The following LYRM7 variants were observed in gnomAD, a reference collection of about 807,000 sequenced individuals.
The protein encoded by LYRM7 is complex III assembly factor LYRM7.
LYRM7 carries 9 observed loss-of-function variants against 15.8 expected under a neutral mutation model. The ratio of observed to expected loss-of-function variants is 0.57; its 90% CI spans 0.34 to 0.99. LYRM7 has a LOEUF of 0.99. Among genes scored for constraint, LYRM7 ranks in the 50% least tolerant of loss-of-function variants. LYRM7 has a pLI of 0.02. For missense variants in LYRM7, 115 were observed against 119.1 expected, an observed-to-expected ratio of 0.97 and a Z score of 0.16; for synonymous variants, 39 against 39.4, an observed-to-expected ratio of 0.99 and a Z score of 0.04.
intron 3 of LYRM7, among the ~76,000 whole-genome samples, chr5:131,183,222 G>A (rs1175896244): frequency 1.3e-5 from 2 of 152,092 alleles, no homozygotes; most frequent in Admixed American, 1.3e-4. Context: ...GACAAAATGA[G>A]ATAGCCTAAG....
In LYRM7 at chr5:131,180,145, A is replaced by G. The variant is rs188540818; in HGVS notation, c.69A>G (p.Lys23=). The part of the protein sequence containing the change: ...TLHRTRQQVF[K]NDARALEAAR... ...ACAGGACCAGACAACAAGTTTTTAA[A>G]AATGATGCCAGAGCATTAGAAGGTA... The change falls in exon 2 of 5, where the codon AAA becomes AAG. Residue 23 remains lysine (K), a synonymous_variant. Coordinates refer to ENST00000379380, the MANE Select transcript of LYRM7 (RefSeq NM_181705.4). 2 of 1,612,074 alleles carry G rather than the reference A, an allele frequency of 1.2e-6. No homozygotes were observed.
intron 1 of LYRM7, among the ~76,000 whole-genome samples, chr5:131,178,534 C>T (rs1489677488): frequency 6.6e-6 from 1 of 152,074 alleles, no homozygotes; most frequent in Admixed American, 6.6e-5. Flanking sequence ...TGTGAAGTGA[C>T]CTCAGCATAT....
Position 131,171,178 on chromosome 5 carries a change from G to A in LYRM7, c.18+140G>A. 3.5e-6 allele frequency: 3 copies of A among 859,138 alleles called. 1 individual carries two copies. The highest frequency in any genetic ancestry group is 5.0e-6 in the Non-Finnish European group (3 of 597,476). The allele number at this position is 859,138 out of a possible 1,614,324, so 53.2% of individuals were successfully genotyped here. A position where few individuals can be genotyped will look rare whatever the true frequency, so the allele number is the denominator to read the frequency against. On this transcript the variant is annotated intron_variant, in intron 1 of 4. Transcript: ENST00000379380. The stretch of plus-strand genomic sequence containing the variant: ...TGTGGCTGTTACCCCAGAGAAGCCA[G>A]ATGACCAACTCCTAGGGGCAGTTGA...
rs539010176 is a variant in LYRM7, at chr5:131,171,197, C to T, written c.18+159C>T. Among the ~76,000 whole-genome samples, 231 of 140,238 alleles carry T rather than the reference C, an allele frequency of 1.6e-3. 2 individuals carry two copies. Among genetic ancestry groups the T allele is most frequent in the African/African-American group, 7.4e-3 (222 of 30,160 alleles). 92.0% of individuals were successfully genotyped at this position (140,238 alleles called of 152,430 possible). On this transcript the variant is annotated intron_variant, in intron 1 of 4. Transcript: ENST00000379380. ...AAGCCAGATGACCAACTCCTAGGGG[C>T]AGTTGAGGGTTTGTGCACGTGCGGA...
rs1554089920 is a variant in LYRM7 at position 131,181,373 on chromosome 5, G to GTTATATATAATATATACATATATGT, written c.92-855_92-854insTATATATAATATATACATATATGTT. The stretch of plus-strand genomic sequence containing the variant: ...GTTATATATATATTAACATATATAT[G>GTTATATATAATATATACATATATGT]TATATATAATATATACATATATATT... On this transcript the variant is annotated intron_variant, in intron 2 of 4. Transcript: ENST00000379380. Among the ~76,000 whole-genome samples, 3 of 80,086 alleles carry GTTATATATAATATATACATATATGT rather than the reference G, an allele frequency of 3.7e-5. 1 individual carries two copies. Among genetic ancestry groups the GTTATATATAATATATACATATATGT allele is most frequent in the African/African-American group, 2.0e-4 (3 of 14,986 alleles). The allele number at this position is 80,086 out of a possible 152,430, so 52.5% of individuals were successfully genotyped here. A position where few individuals can be genotyped will look rare whatever the true frequency, so the allele number is the denominator to read the frequency against.
intron 1 of LYRM7, among the ~76,000 whole-genome samples, chr5:131,178,175 G>A (rs775834935): frequency 7.2e-5 from 11 of 152,090 alleles, no homozygotes; most frequent in Non-Finnish European, 1.2e-4. Flanking sequence ...TCTAATATAC[G>A]TAAAACACTT....
chr5:131,181,417 T>G (rs148028550), intron 2 of LYRM7, among the ~76,000 whole-genome samples: 22,847 of 106,096 alleles, frequency 0.22, 3,677 homozygotes, highest in African/African-American at 0.55. Context: ...ATATATATGT[T>G]TATATATATA....
chr5:131,198,733 A>AT (rs564975657), intron 4 of LYRM7, among the ~76,000 whole-genome samples: 3,326 of 134,646 alleles, frequency 0.025, 76 homozygotes, highest in African/African-American at 0.07. Context: ...CACCCAGCTG[A>AT]TTTTTTTTTT....
intron 2 of LYRM7, 60 bp from the exon 3 acceptor site, chr5:131,182,169 A>G (rs1755723091): frequency 7.7e-7 from 1 of 1,294,664 alleles, no homozygotes; most frequent in South Asian, 1.4e-5. Context: ...TGTGTCAATT[A>G]TTGAGATAGG....
At chr5:131,174,601 C>A (rs1333650208) in intron 1 of LYRM7, among the ~76,000 whole-genome samples, 1 of 152,156 alleles carries the variant, frequency 6.6e-6, no homozygotes, top group Non-Finnish European at 1.5e-5. Context: ...AATCCCAGCA[C>A]TATGGGAGGC....
intron 3 of LYRM7, among the ~76,000 whole-genome samples, chr5:131,185,239 C>A (rs1021310659): frequency 1.3e-5 from 2 of 152,170 alleles, no homozygotes; most frequent in Non-Finnish European, 2.9e-5. Flanking sequence ...CAAGAAAAAT[C>A]TAAAGTGCTT....
At position 131,182,317 on chromosome 5, in the gene LYRM7, A is replaced by G. The variant is rs778350015; in HGVS notation, c.162+18A>G. 2 of 1,370,108 alleles carry G rather than the reference A, an allele frequency of 1.5e-6. No individual in the cohort carries two copies. Among genetic ancestry groups the G allele is most frequent in the African/African-American group, 3.0e-5 (2 of 67,300 alleles). The allele number at this position is 1,370,108 out of a possible 1,614,324, so 84.9% of individuals were successfully genotyped here. On this transcript the variant is annotated intron_variant, in intron 3 of 4. Coordinates refer to ENST00000379380, the MANE Select transcript of LYRM7 (RefSeq NM_181705.4). ...TAGAAGAGGTACAGTAATTTTTTCA[A>G]TTATAGTAAAACTTATACAATTATC...
In LYRM7 at chr5:131,201,840, T is replaced by G. The variant is rs544350531; in HGVS notation, c.*2239T>G. 5 of 152,306 alleles carry G rather than the reference T, an allele frequency of 3.3e-5. No homozygotes were observed. The highest frequency in any genetic ancestry group is 1.2e-4 in the African/African-American group (5 of 41,556). 9.4% of individuals were successfully genotyped at this position (152,306 alleles called of 1,614,324 possible). A position where few individuals can be genotyped will look rare whatever the true frequency, so the allele number is the denominator to read the frequency against. On this transcript the variant is annotated 3_prime_UTR_variant, in exon 5 of 5. Coordinates refer to ENST00000379380, the MANE Select transcript of LYRM7 (RefSeq NM_181705.4). ...TCTTATATAGCATATGCTAATTTATTTATTTATTTTTTGAGATTGAGTTCT... is the reference window on the plus strand; with the variant it reads ...TCTTATATAGCATATGCTAATTTATGTATTTATTTTTTGAGATTGAGTTCT...
chr5:131,178,924 T>C (rs1340307009), intron 1 of LYRM7, among the ~76,000 whole-genome samples: 2 of 136,686 alleles, frequency 1.5e-5, no homozygotes, highest in Non-Finnish European at 3.0e-5. Flanking sequence ...ATTGTGTCAT[T>C]GCACTCCAGC....
At position 131,204,476 on chromosome 5, in the gene LYRM7, A is replaced by ACACACAC. The variant is rs1380912212; in HGVS notation, c.*4876_*4882dup. On this transcript the variant is annotated 3_prime_UTR_variant, in exon 5 of 5. Coordinates refer to ENST00000379380, the MANE Select transcript of LYRM7 (RefSeq NM_181705.4). The stretch of plus-strand genomic sequence containing the variant: ...TTGAAAAGGATGAGGATACACACAC[A>ACACACAC]CACACACACACACACACACACACAC... The ACACACAC allele has an allele frequency of 1.7e-5, 2 of 117,766 alleles. No homozygotes were observed. Among genetic ancestry groups the ACACACAC allele is most frequent in the African/African-American group, 1.0e-4 (2 of 19,240 alleles). 7.3% of individuals were successfully genotyped at this position (117,766 alleles called of 1,614,324 possible).
At chr5:131,185,153 T>A (rs1412554672) in intron 3 of LYRM7, among the ~76,000 whole-genome samples, 1 of 151,340 alleles carries the variant, frequency 6.6e-6, no homozygotes, top group Non-Finnish European at 1.5e-5. Context: ...AAAAACAGAA[T>A]AAACCTTAAA....
chr5:131,195,653 G>A (rs1216706296), intron 4 of LYRM7, among the ~76,000 whole-genome samples: 2 of 152,214 alleles, frequency 1.3e-5, no homozygotes, highest in African/African-American at 4.8e-5. Context: ...TGGGCAGAAC[G>A]TAGAGGCTGC....
chr5:131,171,260 G>A (rs1401894214), intron 1 of LYRM7, among the ~76,000 whole-genome samples: 1 of 152,044 alleles, frequency 6.6e-6, no homozygotes, highest in Non-Finnish European at 1.5e-5. Flanking sequence ...CTACTTCTTG[G>A]TACTAACTTG....
Sources: allele counts gnomAD v4.1 joint callset (sites outside exome capture counted in the v4.1 genomes callset), GRCh38; gene constraint gnomAD v4.1.1; transcripts MANE v1.5; gene names NCBI Gene and HGNC (gene_info 2026-07-23, HGNC 2026-07-21).